SGPP2: variants seen among roughly 807,000 people sequenced by gnomAD.
SGPP2 encodes sphingosine-1-phosphate phosphatase 2, also known as sphingosine 1-phosphate phosphohydrolase 2.
In SGPP2, 30 loss-of-function variants were observed where a neutral mutation model predicts 33.9. The observed-to-expected ratio is 0.89, with a 90% CI of 0.66 to 1.20. The LOEUF (loss-of-function observed/expected upper bound fraction) is 1.20. Among genes scored for constraint, SGPP2 ranks in the 50% most tolerant of loss-of-function variants. The pLI is 0.00. For missense variants in SGPP2, 458 were observed against 532.1 expected (o/e 0.86, Z 1.37); for synonymous variants, 233 against 225.0 (o/e 1.04, Z -0.32).
intron 4 of SGPP2, among the ~76,000 whole-genome samples, chr2:222,557,802 T>C (rs1446376620): frequency 6.6e-6 from 1 of 152,228 alleles, no homozygotes; most frequent in Non-Finnish European, 1.5e-5. Context: ...GGGGTAGTAG[T>C]GTCAAGGCTG....
intron 3 of SGPP2, among the ~76,000 whole-genome samples, chr2:222,524,128 AT>A (rs1698724163): frequency 6.6e-6 from 1 of 152,234 alleles, no homozygotes; most frequent in East Asian, 1.9e-4. Flanking sequence ...TAATAACGTC[AT>A]TTATTATCAT....
rs1166757276 is a variant in SGPP2, at chr2:222,424,618, C to A, written c.16C>A (p.Arg6=). 4.5e-5 allele frequency: 63 copies of A among 1,384,790 alleles called. No homozygotes were observed. Among genetic ancestry groups the A allele is most frequent in the Non-Finnish European group, 5.7e-5 (61 of 1,064,196 alleles). 85.8% of individuals were successfully genotyped at this position (1,384,790 alleles called of 1,614,324 possible). A position where few individuals can be genotyped will look rare whatever the true frequency, so the allele number is the denominator to read the frequency against. The part of the protein sequence containing the change: MAELL[R]SLQDSQLVAR... ...CGGGCACACCATGGCCGAGCTGCTG[C>A]GGAGCCTGCAGGATTCCCAGCTCGT... Residue 6 remains arginine, a synonymous_variant, in exon 1 of 5, where the codon CGG becomes AGG. Coordinates refer to ENST00000321276, the MANE Select transcript of SGPP2 (RefSeq NM_152386.4).
At chr2:222,455,909 GT>G (rs1454423922) in intron 1 of SGPP2, among the ~76,000 whole-genome samples, 1 of 151,918 alleles carries the variant, frequency 6.6e-6, no homozygotes, top group East Asian at 1.9e-4. Context: ...TTCTACAAAA[GT>G]TTTTAAAAAT....
In SGPP2 at chr2:222,457,566, T is replaced by C. The variant is rs77122986; in HGVS notation, c.220-17002T>C. The stretch of plus-strand genomic sequence containing the variant: ...TGTTAAACTAAGAAACCATTAAATA[T>C]AATGTTTTGGCCTCTTATCTTCACA... On this transcript the variant is annotated intron_variant, in intron 1 of 4. Coordinates refer to ENST00000321276, the MANE Select transcript of SGPP2 (RefSeq NM_152386.4). 2.5e-3 allele frequency among the ~76,000 whole-genome samples: 386 copies of C among 152,332 alleles called. 2 individuals are homozygous for C. The highest frequency in any genetic ancestry group is 4.5e-3 in the Non-Finnish European group (305 of 68,018).
At chr2:222,503,702 C>T (rs1012098994) in intron 2 of SGPP2, among the ~76,000 whole-genome samples, 13 of 152,152 alleles carry the variant, frequency 8.5e-5, no homozygotes, top group Admixed American at 8.5e-4. Flanking sequence ...TGGTATTCAA[C>T]AAGGGAAGAC....
chr2:222,431,470 C>A (rs1428163186), intron 1 of SGPP2, among the ~76,000 whole-genome samples: 1 of 152,166 alleles, frequency 6.6e-6, no homozygotes, highest in African/African-American at 2.4e-5. Flanking sequence ...CATGCCACTG[C>A]ACTCCATTCT....
chr2:222,466,672 G>T (rs1360507988), intron 1 of SGPP2, among the ~76,000 whole-genome samples: 2 of 152,050 alleles, frequency 1.3e-5, no homozygotes, highest in Non-Finnish European at 1.5e-5. Flanking sequence ...GGGAAACATG[G>T]TTTGGGTTTT....
intron 1 of SGPP2, among the ~76,000 whole-genome samples, chr2:222,467,269 T>C (rs944789693): frequency 9.3e-5 from 14 of 149,804 alleles, no homozygotes; most frequent in Non-Finnish European, 2.1e-4. Flanking sequence ...CGGATGCATA[T>C]TACAATTGAG....
intron 1 of SGPP2, among the ~76,000 whole-genome samples, chr2:222,471,976 C>T (rs1697850110): frequency 6.6e-6 from 1 of 151,754 alleles, no homozygotes; most frequent in South Asian, 2.1e-4. Context: ...GTTTTAATTC[C>T]CTAAGTCTTT....
chr2:222,450,001 T>C (rs887914276), intron 1 of SGPP2, among the ~76,000 whole-genome samples: 7 of 152,226 alleles, frequency 4.6e-5, no homozygotes, highest in African/African-American at 1.7e-4. Flanking sequence ...ATTTATGAGC[T>C]GAACCATAAG....
chr2:222,472,256 G>T (rs1202940294), intron 1 of SGPP2, among the ~76,000 whole-genome samples: 2 of 152,134 alleles, frequency 1.3e-5, no homozygotes, highest in Non-Finnish European at 2.9e-5. Context: ...CTCCCAATGG[G>T]TTCTTCCTGC....
At chr2:222,485,346 G>C (rs1022245349) in intron 2 of SGPP2, among the ~76,000 whole-genome samples, 1 of 152,162 alleles carries the variant, frequency 6.6e-6, no homozygotes, top group Non-Finnish European at 1.5e-5. Context: ...CCATGCCTTG[G>C]TACTGGTGCG....
In SGPP2 at chr2:222,559,555, G is replaced by C. The variant is rs192469714; in HGVS notation, c.*657G>C. 2.0e-5 allele frequency: 3 copies of C among 152,560 alleles called. No individual in the cohort carries two copies. Among genetic ancestry groups the C allele is most frequent in the African/African-American group, 7.2e-5 (3 of 41,398 alleles). The allele number at this position is 152,560 out of a possible 1,614,324, so 9.5% of individuals were successfully genotyped here. A position where few individuals can be genotyped will look rare whatever the true frequency, so the allele number is the denominator to read the frequency against. On this transcript the variant is annotated 3_prime_UTR_variant, in exon 5 of 5. Transcript: ENST00000321276. ...CAGCTCACTGCAAACTCTGCCTCCC[G>C]GGCTCAAGCAATCCTCCTGCCTGAG...
chr2:222,447,486 G>A (rs1032408937), intron 1 of SGPP2, among the ~76,000 whole-genome samples: 1 of 152,180 alleles, frequency 6.6e-6, no homozygotes, highest in Non-Finnish European at 1.5e-5. Context: ...GGGCATTCAC[G>A]AGGTTTTGTT....
At chr2:222,499,799 T>G (rs536510706) in intron 2 of SGPP2, among the ~76,000 whole-genome samples, 41 of 152,122 alleles carry the variant, frequency 2.7e-4, no homozygotes, top group Non-Finnish European at 5.0e-4. Context: ...GTTGCCTGTT[T>G]GTGGTTGAGC....
chr2:222,438,992 A>T (rs1390692681), intron 1 of SGPP2, among the ~76,000 whole-genome samples: 1 of 152,180 alleles, frequency 6.6e-6, no homozygotes, highest in Admixed American at 6.5e-5. Flanking sequence ...GCACTGGGGA[A>T]ATAAACACAG....
chr2:222,504,596 C>T (rs1226441270), intron 2 of SGPP2: 1 of 152,114 alleles, frequency 6.6e-6, no homozygotes, highest in Non-Finnish European at 1.5e-5. Flanking sequence ...ATCATGTTAC[C>T]CCATTTGATG....
chr2:222,472,452 T>A (rs1368263206), intron 1 of SGPP2, among the ~76,000 whole-genome samples: 1 of 152,076 alleles, frequency 6.6e-6, no homozygotes, highest in East Asian at 1.9e-4. Context: ...GTCACCAGAA[T>A]GCAAAAGTCT....
At chr2:222,525,082 G>A (rs768601780) in intron 4 of SGPP2, 49 bp downstream of exon 4, 1 of 1,368,440 alleles carries the variant, frequency 7.3e-7, no homozygotes, top group South Asian at 1.2e-5. Flanking sequence ...ATGATATTGT[G>A]GTCAGTGTGT....
Sources: gnomAD v4.1 joint callset for allele counts (sites outside exome capture counted in the v4.1 genomes callset) on GRCh38, gnomAD v4.1.1 for gene constraint, MANE v1.5 for transcripts, NCBI Gene and HGNC (gene_info 2026-07-23, HGNC 2026-07-21) for gene names.